The following NLGN1 variants were observed in gnomAD, a reference collection of about 807,000 sequenced individuals.
NLGN1 encodes the protein neuroligin-1.
NLGN1 carries 12 observed loss-of-function variants against 65.5 expected under a neutral mutation model. That is an observed-to-expected ratio of 0.18 (90% CI 0.12 to 0.30). The LOEUF is 0.30. NLGN1 is among the 10% of genes least tolerant of loss of function. The pLI is 1.00. For missense variants in NLGN1, 750 were observed against 1,007.1 expected (o/e 0.74, Z 3.46); for synonymous variants, 350 against 359.5 (o/e 0.97, Z 0.30).
chr3:173,799,977 T>C (rs1392077199), intron 3 of NLGN1, among the ~76,000 whole-genome samples: 1 of 148,836 alleles, frequency 6.7e-6, no homozygotes, highest in Non-Finnish European at 1.5e-5. Flanking sequence ...CTAATAAAAC[T>C]GTTTACTTTT....
At chr3:173,923,056 T>C (rs754498810) in intron 4 of NLGN1, among the ~76,000 whole-genome samples, 30 of 151,784 alleles carry the variant, frequency 2.0e-4, no homozygotes, top group Non-Finnish European at 3.7e-4. Context: ...TTCATCAACA[T>C]TTTTTCAGCA....
chr3:173,983,817 C>T (rs976096467), intron 4 of NLGN1, among the ~76,000 whole-genome samples: 1 of 152,166 alleles, frequency 6.6e-6, no homozygotes, highest in Admixed American at 6.6e-5. Flanking sequence ...TTTTCTATCA[C>T]ATTAATATGT....
rs534078093 is a variant in NLGN1 at position 174,273,237 on chromosome 3, A to G, written c.647-2078A>G. ...CTGGAGTAATTTGAATGTAACTGCA[A>G]TTACTTTTGCACCAACCTCATAACA... On this transcript the variant is annotated intron_variant, in intron 4 of 6. Transcript: ENST00000457714. Among the ~76,000 whole-genome samples the G allele has an allele frequency of 1.7e-4, 26 of 151,782 alleles. No individual in the cohort carries two copies. The South Asian group carries it at 3.1e-3, about 18-fold the overall frequency.
chr3:173,707,004 T>C (rs1768143136), intron 3 of NLGN1, among the ~76,000 whole-genome samples: 1 of 152,234 alleles, frequency 6.6e-6, no homozygotes, highest in South Asian at 2.1e-4. Context: ...GTCAGAAATC[T>C]CATATTCCTT....
At chr3:173,623,732 A>G (rs1754386695) in intron 3 of NLGN1, among the ~76,000 whole-genome samples, 2 of 152,114 alleles carry the variant, frequency 1.3e-5, no homozygotes, top group South Asian at 4.1e-4. Context: ...GTTTGTGCGT[A>G]AGAGAGTGAC....
At chr3:174,293,962 T>C in the NLGN1 span, among the ~76,000 whole-genome samples, 1 of 151,666 alleles carries the variant, frequency 6.6e-6, no homozygotes, top group Non-Finnish European at 1.5e-5. Context: ...TTTGGATATA[T>C]ATTTGTGCAC....
intron 2 of NLGN1, among the ~76,000 whole-genome samples, chr3:173,468,211 A>G (rs1724700647): frequency 6.6e-6 from 1 of 152,070 alleles, no homozygotes; most frequent in Non-Finnish European, 1.5e-5. Flanking sequence ...GATTGGGTCA[A>G]TGAATAAATA....
At chr3:173,873,932 A>G (rs899850020) in intron 4 of NLGN1, among the ~76,000 whole-genome samples, 4 of 152,324 alleles carry the variant, frequency 2.6e-5, no homozygotes, top group Middle Eastern at 3.4e-3. Flanking sequence ...CTCTAATCCC[A>G]TATGACTGGT....
rs963852468 is a variant in NLGN1 at position 173,659,332 on chromosome 3, C to T, written c.493+54241C>T. ...TAAAGAAAGGGCATTTGTTTTGTAA[C>T]TTTTTTCAAATGAACAAATTGGTGA... On this transcript the variant is annotated intron_variant, in intron 3 of 6. Transcript: ENST00000457714. Among the ~76,000 whole-genome samples the T allele has an allele frequency of 5.3e-5, 8 of 151,840 alleles. No individual in the cohort carries two copies. In the East Asian group the frequency reaches 9.6e-4, roughly 18 times the overall value.
chr3:174,143,313 T>C (rs906010898), intron 4 of NLGN1, among the ~76,000 whole-genome samples: 8 of 152,200 alleles, frequency 5.3e-5, no homozygotes, highest in African/African-American at 1.9e-4. Context: ...GAAGCCACTG[T>C]TAGCCACAGG....
intron 4 of NLGN1, among the ~76,000 whole-genome samples, chr3:174,040,630 A>G (rs1732081197): frequency 6.6e-6 from 1 of 152,138 alleles, no homozygotes; most frequent in Non-Finnish European, 1.5e-5. Flanking sequence ...AACATTTGCA[A>G]AACATATATT....
intron 4 of NLGN1, among the ~76,000 whole-genome samples, chr3:174,215,801 A>G (rs1272955051): frequency 6.6e-6 from 1 of 152,158 alleles, no homozygotes; most frequent in African/African-American, 2.4e-5. Context: ...ATTTGAGGAC[A>G]GTAAGAGAAA....
intron 4 of NLGN1, among the ~76,000 whole-genome samples, chr3:174,070,640 C>T (rs1281990147): frequency 6.6e-6 from 1 of 152,120 alleles, no homozygotes; most frequent in Non-Finnish European, 1.5e-5. Context: ...TTATCTCTGA[C>T]ATTTTTAAAT....
At chr3:173,470,623 C>T (rs538312238) in intron 2 of NLGN1, among the ~76,000 whole-genome samples, 1 of 152,134 alleles carries the variant, frequency 6.6e-6, no homozygotes, top group East Asian at 1.9e-4. Flanking sequence ...ATAATACACA[C>T]CTCCTAAAGC....
chr3:173,552,193 A>G (rs1351094250), intron 2 of NLGN1, among the ~76,000 whole-genome samples: 1 of 152,152 alleles, frequency 6.6e-6, no homozygotes, highest in Non-Finnish European at 1.5e-5. Flanking sequence ...ATGTGGAGAA[A>G]TCTTTTTGAT....
intron 4 of NLGN1, among the ~76,000 whole-genome samples, chr3:174,068,020 C>T (rs965270136): frequency 6.6e-6 from 1 of 152,056 alleles, no homozygotes; most frequent in African/African-American, 2.4e-5. Context: ...TGTTTGTTTC[C>T]CACTTGTATC....
chr3:173,732,182 A>AT (rs1227476128), intron 3 of NLGN1, among the ~76,000 whole-genome samples: 4 of 152,118 alleles, frequency 2.6e-5, no homozygotes, highest in Admixed American at 6.6e-5. Flanking sequence ...TTTAATTACT[A>AT]TGACTAATTT....
chr3:174,090,888 A>G (rs901089467), intron 4 of NLGN1, among the ~76,000 whole-genome samples: 4 of 152,204 alleles, frequency 2.6e-5, no homozygotes, highest in African/African-American at 9.7e-5. Flanking sequence ...ATTCTGGCAC[A>G]TCCAGGGGAT....
chr3:173,724,756 C>T (rs1578136969), intron 3 of NLGN1, among the ~76,000 whole-genome samples: 1 of 152,256 alleles, frequency 6.6e-6, no homozygotes. Flanking sequence ...CGGCACTATT[C>T]ATAACAGCAA....
Sources: allele counts gnomAD v4.1 joint callset (sites outside exome capture counted in the v4.1 genomes callset), GRCh38; gene constraint gnomAD v4.1.1; transcripts MANE v1.5; gene names NCBI Gene and HGNC (gene_info 2026-07-23, HGNC 2026-07-21).